TFDP2: variants seen among roughly 807,000 people sequenced by gnomAD.
The protein encoded by TFDP2 is transcription factor Dp-2 (E2F dimerization partner 2).
Under a neutral mutation model 59.3 loss-of-function variants are expected in TFDP2, and 17 were observed. The ratio of observed to expected loss-of-function variants is 0.29; its 90% confidence interval spans 0.20 to 0.43. TFDP2 has a LOEUF of 0.43. TFDP2 is among the 20% of genes least tolerant of loss of function. The probability of loss-of-function intolerance (pLI) is 1.00; values close to 1 mark genes in which losing one functional copy is unlikely to be tolerated. For missense variants in TFDP2, 391 were observed against 528.8 expected (o/e 0.74, Z 2.56); for synonymous variants, 180 against 194.7 (o/e 0.92, Z 0.63).
intron 3 of TFDP2, among the ~76,000 whole-genome samples, chr3:142,090,374 TAAAC>T (rs1220831527): frequency 1.3e-5 from 2 of 152,198 alleles, no homozygotes; most frequent in Non-Finnish European, 2.9e-5. Flanking sequence ...TCTATAAAGT[TAAAC>T]AAACTGAGGT....
rs533060959 is a variant in TFDP2, at chr3:141,970,223, T to C, written c.664-82A>G. 23 of 1,355,614 alleles carry C rather than the reference T, an allele frequency of 1.7e-5. 1 individual carries two copies. Among genetic ancestry groups the C allele is most frequent in the Middle Eastern group, 3.9e-4 (2 of 5,094 alleles). The allele number at this position is 1,355,614 out of a possible 1,614,324, so 84.0% of individuals were successfully genotyped here. A position where few individuals can be genotyped will look rare whatever the true frequency, so the allele number is the denominator to read the frequency against. ...CACTTTCCAGGTCCCTATTCTGAGA[T>C]AACAATTTTCCCTAGAGAAACTGAA... On this transcript the variant is annotated intron_variant, in intron 8 of 12. Coordinates refer to ENST00000489671, the MANE Select transcript of TFDP2 (RefSeq NM_001178139.2).
chr3:142,119,145 A>G (rs1233857844), intron 1 of TFDP2, among the ~76,000 whole-genome samples: 1 of 152,166 alleles, frequency 6.6e-6, no homozygotes, highest in Non-Finnish European at 1.5e-5. Context: ...TGGGTGAAAG[A>G]GCAAGACACT....
At chr3:141,982,174 T>G (rs116244753) in intron 6 of TFDP2, among the ~76,000 whole-genome samples, 58 of 152,288 alleles carry the variant, frequency 3.8e-4, no homozygotes, top group African/African-American at 1.3e-3. Flanking sequence ...CTAGTGATTT[T>G]TATATTTAAT....
chr3:142,117,210 T>A (rs1481767495), intron 1 of TFDP2, among the ~76,000 whole-genome samples: 1 of 152,072 alleles, frequency 6.6e-6, no homozygotes, highest in East Asian at 1.9e-4. Context: ...CATGAGCCAC[T>A]GCACCCGGCC....
In TFDP2 at chr3:141,952,905, A is replaced by T; in HGVS notation, c.1157+6T>A. 1 of 1,613,326 alleles carries T rather than the reference A, an allele frequency of 6.2e-7. No homozygotes were observed. Among genetic ancestry groups the T allele is most frequent in the Non-Finnish European group, 8.5e-7 (1 of 1,179,280 alleles). Reference sequence around the variant, plus strand: ...TTGCCTTTCTAACCCTGAAAAAAATACGTACCTTGACTGGGGTAAGGTGGC... The same window carrying T: ...TTGCCTTTCTAACCCTGAAAAAAATTCGTACCTTGACTGGGGTAAGGTGGC... On this transcript the variant is annotated splice_donor_region_variant and intron_variant, in intron 12 of 12. Coordinates refer to ENST00000489671, the MANE Select transcript of TFDP2 (RefSeq NM_001178139.2).
intron 8 of TFDP2, 142 bp downstream of exon 8, chr3:141,973,905 TA>T: frequency 1.0e-6 from 1 of 988,194 alleles, no homozygotes; most frequent in Non-Finnish European, 1.4e-6. Context: ...CTTCCAATTC[TA>T]AAATTCTACA....
chr3:142,143,935 A>G (rs542548239), intron 1 of TFDP2, among the ~76,000 whole-genome samples: 30 of 152,332 alleles, frequency 2.0e-4, no homozygotes, highest in Non-Finnish European at 4.1e-4. Context: ...CAGTATATTG[A>G]AGAGATATCT....
At chr3:141,978,807 G>A in intron 6 of TFDP2, 125 bp from the exon 7 acceptor site, 1 of 662,728 alleles carries the variant, frequency 1.5e-6, no homozygotes, top group Non-Finnish European at 2.3e-6. Context: ...AATTTAAATT[G>A]AATAGAGATG....
intron 1 of TFDP2, among the ~76,000 whole-genome samples, chr3:142,148,549 G>C (rs754820152): frequency 2.6e-4 from 40 of 151,690 alleles, no homozygotes; most frequent in Non-Finnish European, 5.4e-4. Flanking sequence ...AAGAAACCGA[G>C]ATCACACAAT....
chr3:142,025,439 G>A (rs999316914), intron 3 of TFDP2, among the ~76,000 whole-genome samples: 2 of 152,194 alleles, frequency 1.3e-5, no homozygotes, highest in African/African-American at 4.8e-5. Flanking sequence ...TGTCCTTGTT[G>A]CTGTTGCTGA....
chr3:142,113,980 C>T (rs1324405982), intron 1 of TFDP2, among the ~76,000 whole-genome samples: 1 of 151,912 alleles, frequency 6.6e-6, no homozygotes, highest in Non-Finnish European at 1.5e-5. Context: ...CTGTCTAACA[C>T]GGTGAATCCC....
intron 6 of TFDP2, among the ~76,000 whole-genome samples, chr3:141,987,531 A>C (rs112495670): frequency 0.076 from 11,082 of 146,144 alleles, 510 homozygotes; most frequent in Middle Eastern, 0.12. Flanking sequence ...GATCCACCCA[A>C]CTTAGCCTCC....
At chr3:142,123,482 G>A (rs1299696388) in intron 1 of TFDP2, among the ~76,000 whole-genome samples, 1 of 151,954 alleles carries the variant, frequency 6.6e-6, no homozygotes, top group Admixed American at 6.6e-5. Context: ...TGACCAGGCT[G>A]GTCTTGAACT....
intron 1 of TFDP2, among the ~76,000 whole-genome samples, chr3:142,130,272 T>A (rs1434709625): frequency 2.0e-5 from 3 of 152,070 alleles, no homozygotes; most frequent in Non-Finnish European, 4.4e-5. Flanking sequence ...TAATAAGGCA[T>A]GATATTCTGA....
At chr3:141,990,603 T>A (rs1301012164) in intron 6 of TFDP2, among the ~76,000 whole-genome samples, 1 of 152,224 alleles carries the variant, frequency 6.6e-6, no homozygotes, top group East Asian at 1.9e-4. Context: ...TGCTTCCTCC[T>A]GGTTTCTTTG....
At chr3:141,977,089 C>CATATATATATATATATATAT (rs1275287133) in intron 7 of TFDP2, among the ~76,000 whole-genome samples, 1 of 110,946 alleles carries the variant, frequency 9.0e-6, no homozygotes, top group African/African-American at 4.2e-5. Flanking sequence ...CAGTCATAGC[C>CATATATATATATATATATAT]ATATATATAT....
At chr3:141,962,668 T>C (rs1050952815) in intron 10 of TFDP2, among the ~76,000 whole-genome samples, 4 of 152,204 alleles carry the variant, frequency 2.6e-5, no homozygotes, top group African/African-American at 9.6e-5. Context: ...CTAACTCTTC[T>C]TTTGTGTGTG....
chr3:142,125,658 C>A (rs1377912805), intron 1 of TFDP2, among the ~76,000 whole-genome samples: 1 of 152,074 alleles, frequency 6.6e-6, no homozygotes, highest in African/African-American at 2.4e-5. Context: ...TATAGAGTGA[C>A]CTCCAGTATA....
intron 1 of TFDP2, among the ~76,000 whole-genome samples, chr3:142,108,570 T>C (rs532222461): frequency 6.5e-4 from 99 of 152,334 alleles, no homozygotes; most frequent in African/African-American, 2.3e-3. Flanking sequence ...TATTTCAACT[T>C]GACAGTTGTA....
Sources: allele counts gnomAD v4.1 joint callset (sites outside exome capture counted in the v4.1 genomes callset), GRCh38; gene constraint gnomAD v4.1.1; transcripts MANE v1.5; gene names NCBI Gene and HGNC (gene_info 2026-07-23, HGNC 2026-07-21).